KCND3: variants seen among roughly 807,000 people sequenced by gnomAD.
The protein encoded by KCND3 is potassium voltage-gated channel subfamily D member 3.
In KCND3, 9 loss-of-function variants were observed where a neutral mutation model predicts 51.1. The observed-to-expected ratio is 0.18, with a 90% CI of 0.11 to 0.31. The LOEUF is 0.31. Ranked by LOEUF, KCND3 falls within the 10% of genes least tolerant of loss-of-function variation. The pLI, the probability that KCND3 is intolerant of heterozygous loss-of-function variation, is 1.00. For missense variants in KCND3, 526 were observed against 903.8 expected (o/e 0.58, Z 5.36); for synonymous variants, 349 against 368.0 (o/e 0.95, Z 0.59).
intron 2 of KCND3, among the ~76,000 whole-genome samples, chr1:111,853,458 T>C (rs1667914618): frequency 6.6e-6 from 1 of 152,152 alleles, no homozygotes; most frequent in South Asian, 2.1e-4. Flanking sequence ...TCTCCTTTGC[T>C]TCTCCCAACC....
chr1:111,862,462 G>A (rs999293409), intron 2 of KCND3, among the ~76,000 whole-genome samples: 2 of 152,216 alleles, frequency 1.3e-5, no homozygotes, highest in African/African-American at 4.8e-5. Context: ...CTATGCAATG[G>A]GGCCACTGGA....
chr1:111,988,140 A>G (rs1021768363), intron 1 of KCND3, among the ~76,000 whole-genome samples: 5 of 152,190 alleles, frequency 3.3e-5, no homozygotes, highest in Non-Finnish European at 7.4e-5. Context: ...CTTACTTTCC[A>G]CAATCTCACA....
At chr1:111,918,281 G>C (rs1671316328) in intron 2 of KCND3, among the ~76,000 whole-genome samples, 2 of 152,220 alleles carry the variant, frequency 1.3e-5, no homozygotes, top group South Asian at 4.1e-4. Context: ...TAAAAAGGAA[G>C]ACCTGAGCAA....
intron 2 of KCND3, among the ~76,000 whole-genome samples, chr1:111,866,026 A>G (rs570337885): frequency 6.6e-6 from 1 of 152,230 alleles, no homozygotes; most frequent in Non-Finnish European, 1.5e-5. Context: ...TATGTTTTCA[A>G]TTGAAAAAAT....
chr1:111,821,434 G>A (rs901850562), intron 2 of KCND3, among the ~76,000 whole-genome samples: 1 of 152,170 alleles, frequency 6.6e-6, no homozygotes, highest in African/African-American at 2.4e-5. Flanking sequence ...TGCACAGCGG[G>A]TATCTTTGGC....
chr1:111,974,424 G>T (rs1053015721), intron 2 of KCND3, among the ~76,000 whole-genome samples: 1 of 152,072 alleles, frequency 6.6e-6, no homozygotes, highest in African/African-American at 2.4e-5. Flanking sequence ...TAAGGTATGA[G>T]TATTTGGTAG....
chr1:111,887,205 G>A (rs555343748), intron 2 of KCND3, among the ~76,000 whole-genome samples: 14 of 152,308 alleles, frequency 9.2e-5, no homozygotes, highest in African/African-American at 3.4e-4. Context: ...TGTCCACGGA[G>A]GCTTGTGGCA....
chr1:111,890,383 G>C (rs1023460609), intron 2 of KCND3, among the ~76,000 whole-genome samples: 1 of 152,182 alleles, frequency 6.6e-6, no homozygotes, highest in African/African-American at 2.4e-5. Flanking sequence ...AAGGCTTTTG[G>C]CTTCAGCACC....
rs1673971271 is a variant in KCND3, at chr1:111,966,092, TCCC to T, written c.1106+15526_1106+15528del. On this transcript the variant is annotated intron_variant, in intron 2 of 7. Transcript: ENST00000302127. ...TCCTTGGCACCACCCTGCTGCTGGCTCCCCAGTCCTTATCCCCTCTGCACACTG... is the reference window on the plus strand; with the variant it reads ...TCCTTGGCACCACCCTGCTGCTGGCTCAGTCCTTATCCCCTCTGCACACTG... Among the ~76,000 whole-genome samples the T allele has an allele frequency of 2.6e-5, 4 of 152,038 alleles. No individual in the cohort carries two copies. The South Asian group carries it at 8.3e-4, about 32-fold the overall frequency.
intron 2 of KCND3, among the ~76,000 whole-genome samples, chr1:111,856,000 A>G (rs1668048466): frequency 6.6e-6 from 1 of 152,046 alleles, no homozygotes; most frequent in African/African-American, 2.4e-5. Flanking sequence ...GAGTACCCCA[A>G]CCTCACCCTC....
At chr1:111,886,429 G>T (rs1669575486) in intron 2 of KCND3, among the ~76,000 whole-genome samples, 1 of 152,250 alleles carries the variant, frequency 6.6e-6, no homozygotes, top group African/African-American at 2.4e-5. Context: ...AAGAGGTGAT[G>T]AAACTTGGGA....
intron 5 of KCND3, among the ~76,000 whole-genome samples, chr1:111,779,481 T>C (rs1188798070): frequency 6.6e-6 from 1 of 152,136 alleles, no homozygotes; most frequent in Non-Finnish European, 1.5e-5. Context: ...TTCACTTTGT[T>C]TCTCCTTGGC....
chr1:111,987,398 AAAG>A (rs1357116468), intron 1 of KCND3, among the ~76,000 whole-genome samples: 1 of 152,174 alleles, frequency 6.6e-6, no homozygotes, highest in East Asian at 1.9e-4. Flanking sequence ...CAATCTTCCT[AAAG>A]AAGGCCAAGC....
chr1:111,783,331 T>C (rs1012140282), intron 3 of KCND3, among the ~76,000 whole-genome samples: 12 of 151,534 alleles, frequency 7.9e-5, no homozygotes, highest in East Asian at 7.8e-4. Flanking sequence ...ATTCTCCTCC[T>C]CCTTCCCTGA....
At chr1:111,853,879 T>C (rs1430933314) in intron 2 of KCND3, 1 of 152,256 alleles carries the variant, frequency 6.6e-6, no homozygotes, top group Non-Finnish European at 1.5e-5. Context: ...CTAGAATGCA[T>C]AATACAGTGC....
chr1:111,930,152 G>A (rs938437473), intron 2 of KCND3, among the ~76,000 whole-genome samples: 1 of 151,830 alleles, frequency 6.6e-6, no homozygotes, highest in Non-Finnish European at 1.5e-5. Context: ...CACTGTTTTC[G>A]GTTTTTGTTT....
chr1:111,823,190 G>C (rs1323937233), intron 2 of KCND3, among the ~76,000 whole-genome samples: 3 of 152,208 alleles, frequency 2.0e-5, no homozygotes. Context: ...GCAGGGTGTG[G>C]GGTGGGGAGA....
In KCND3 at chr1:111,772,290, T is replaced by G. The variant is rs962487280; in HGVS notation, c.*3787A>C. On this transcript the variant is annotated 3_prime_UTR_variant, in exon 8 of 8. Coordinates refer to ENST00000302127, the MANE Select transcript of KCND3 (RefSeq NM_001378969.1). The stretch of plus-strand genomic sequence containing the variant: ...GAGAAAATATTTGACTAAAAAAAAT[T>G]GACTCTTCACTTGTTCACTGATTTC... 3.3e-5 allele frequency: 5 copies of G among 152,182 alleles called. No individual in the cohort carries two copies. Among genetic ancestry groups the G allele is most frequent in the African/African-American group, 1.2e-4 (5 of 41,446 alleles). The allele number at this position is 152,182 out of a possible 1,614,324, so 9.4% of individuals were successfully genotyped here.
At chr1:111,924,085 C>A (rs1221758615) in intron 2 of KCND3, among the ~76,000 whole-genome samples, 1 of 152,220 alleles carries the variant, frequency 6.6e-6, no homozygotes, top group Non-Finnish European at 1.5e-5. Flanking sequence ...GCAGCACAGG[C>A]CACAGAGAGT....
Sources: allele counts gnomAD v4.1 joint callset (sites outside exome capture counted in the v4.1 genomes callset), GRCh38; gene constraint gnomAD v4.1.1; transcripts MANE v1.5; gene names NCBI Gene and HGNC (gene_info 2026-07-23, HGNC 2026-07-21).